Variants in MEMO1 observed in about 807,000 individuals in gnomAD.
MEMO1 encodes the protein mediator of cell motility 1.
A neutral mutation model predicts 45.2 loss-of-function variants in MEMO1; 6 were observed. The ratio of observed to expected loss-of-function variants is 0.13; its 90% confidence interval spans 0.07 to 0.26. The LOEUF (loss-of-function observed/expected upper bound fraction) is 0.26. MEMO1 is among the 10% of genes least tolerant of loss of function. MEMO1 has a pLI of 1.00. For synonymous variants in MEMO1, 78 were observed against 124.3 expected, an observed-to-expected ratio of 0.63 and a Z score of 2.48; for missense variants, 184 against 370.5, an observed-to-expected ratio of 0.50 and a Z score of 4.13.
intron 2 of MEMO1, among the ~76,000 whole-genome samples, chr2:31,952,065 T>G (rs894841385): frequency 3.9e-5 from 6 of 152,128 alleles, no homozygotes; most frequent in Admixed American, 1.3e-4. Context: ...GTGCAAGAAC[T>G]GTCACAGCAA....
At chr2:31,951,377 A>C (rs994965919) in intron 2 of MEMO1, among the ~76,000 whole-genome samples, 1 of 152,206 alleles carries the variant, frequency 6.6e-6, no homozygotes, top group Non-Finnish European at 1.5e-5. Context: ...AACCCCACTC[A>C]CTATGATGTT....
chr2:31,948,080 A>G (rs994831941), intron 2 of MEMO1, among the ~76,000 whole-genome samples: 5 of 152,224 alleles, frequency 3.3e-5, no homozygotes, highest in African/African-American at 1.2e-4. Context: ...CATGCTTCTC[A>G]GGTGATAGCA....
At chr2:31,947,066 C>T (rs1045638205) in intron 2 of MEMO1, among the ~76,000 whole-genome samples, 4 of 152,094 alleles carry the variant, frequency 2.6e-5, no homozygotes, top group East Asian at 1.9e-4. Context: ...CAGACAACAA[C>T]GAAATGGCCT....
intron 6 of MEMO1, among the ~76,000 whole-genome samples, chr2:31,894,121 T>A (rs1044881723): frequency 4.6e-5 from 7 of 152,070 alleles, no homozygotes; most frequent in African/African-American, 1.7e-4. Context: ...GATAAAAGCG[T>A]CAAAAACAAC....
intron 7 of MEMO1, among the ~76,000 whole-genome samples, chr2:31,886,862 C>T (rs1387355688): frequency 6.6e-6 from 1 of 152,198 alleles, no homozygotes; most frequent in Non-Finnish European, 1.5e-5. Context: ...CAAGTATGAG[C>T]TTTCTAGCTT....
At chr2:31,871,904 C>T (rs1165244155) in intron 8 of MEMO1, among the ~76,000 whole-genome samples, 3 of 151,844 alleles carry the variant, frequency 2.0e-5, no homozygotes, top group Non-Finnish European at 4.4e-5. Context: ...ATCCCAGCTA[C>T]ATGGGAGGCT....
At chr2:31,996,187 G>GGA (rs965960895) in intron 2 of MEMO1, among the ~76,000 whole-genome samples, 32 of 150,792 alleles carry the variant, frequency 2.1e-4, no homozygotes, top group African/African-American at 7.1e-4. Flanking sequence ...GAGAGGAGAG[G>GGA]GAGAGAGAGA....
intron 2 of MEMO1, among the ~76,000 whole-genome samples, chr2:31,960,040 T>A (rs748006096): frequency 2.0e-5 from 3 of 151,920 alleles, no homozygotes; most frequent in Non-Finnish European, 2.9e-5. Context: ...TGGCTAAAAG[T>A]ACAAAAATCA....
At chr2:32,006,964 C>CAAA (rs67557055) in intron 2 of MEMO1, among the ~76,000 whole-genome samples, 666 of 73,868 alleles carry the variant, frequency 9.0e-3, no homozygotes, top group Non-Finnish European at 0.011. Context: ...GATTCCATCT[C>CAAA]AAAAAAAAAA....
At chr2:31,932,309 G>C (rs1664277549) in intron 3 of MEMO1, among the ~76,000 whole-genome samples, 174 bp from the exon 4 acceptor site, 1 of 152,122 alleles carries the variant, frequency 6.6e-6, no homozygotes, top group Non-Finnish European at 1.5e-5. Context: ...GGAAACACAT[G>C]ATCTATACTG....
intron 2 of MEMO1, among the ~76,000 whole-genome samples, chr2:31,964,098 A>G (rs1668330432): frequency 6.6e-6 from 1 of 152,200 alleles, no homozygotes; most frequent in Non-Finnish European, 1.5e-5. Context: ...GGCTTACGTT[A>G]TATTAGACAG....
intron 2 of MEMO1, among the ~76,000 whole-genome samples, chr2:31,955,525 A>T (rs1667315349): frequency 6.6e-6 from 1 of 152,226 alleles, no homozygotes; most frequent in African/African-American, 2.4e-5. Flanking sequence ...CTTAAACTCA[A>T]AATTATCTTT....
intron 2 of MEMO1, among the ~76,000 whole-genome samples, chr2:31,943,999 T>C (rs1381036225): frequency 2.0e-5 from 3 of 152,200 alleles, no homozygotes; most frequent in African/African-American, 7.2e-5. Flanking sequence ...CTGTCCTTCG[T>C]CTCTACTTCT....
chr2:31,947,487 T>G (rs1173021300), intron 2 of MEMO1, among the ~76,000 whole-genome samples: 1 of 152,208 alleles, frequency 6.6e-6, no homozygotes, highest in Non-Finnish European at 1.5e-5. Context: ...ATGAAGGATT[T>G]AGAAATACGT....
At chr2:31,982,588 C>CAAA (rs60208602) in intron 2 of MEMO1, among the ~76,000 whole-genome samples, 3 of 70,084 alleles carry the variant, frequency 4.3e-5, no homozygotes, top group African/African-American at 4.8e-5. Context: ...GACTCCGTCT[C>CAAA]AAAAAAAAAA....
chr2:31,973,408 C>T (rs1202746926), intron 2 of MEMO1, among the ~76,000 whole-genome samples: 4 of 151,676 alleles, frequency 2.6e-5, no homozygotes, highest in African/African-American at 9.7e-5. Context: ...GAGCCAAGAT[C>T]ATGCCACTGC....
At chr2:32,006,509 T>A (rs1157156535) in intron 2 of MEMO1, among the ~76,000 whole-genome samples, 1 of 151,458 alleles carries the variant, frequency 6.6e-6, no homozygotes, top group Non-Finnish European at 1.5e-5. Context: ...TCAAATACAG[T>A]CTCTACAGCA....
At chr2:31,896,318 A>C (rs1021268215) in intron 6 of MEMO1, among the ~76,000 whole-genome samples, 4 of 152,218 alleles carry the variant, frequency 2.6e-5, no homozygotes, top group Admixed American at 2.0e-4. Flanking sequence ...TGGATCCTAG[A>C]ACTATAAGAG....
chr2:31,975,355 A>T (rs577759380), intron 2 of MEMO1, among the ~76,000 whole-genome samples: 2 of 152,362 alleles, frequency 1.3e-5, no homozygotes, highest in African/African-American at 4.8e-5. Flanking sequence ...TAGAGTTTGA[A>T]GAAAATTCTC....
Sources: allele counts gnomAD v4.1 joint callset (sites outside exome capture counted in the v4.1 genomes callset), GRCh38; gene constraint gnomAD v4.1.1; transcripts MANE v1.5; gene names NCBI Gene and HGNC (gene_info 2026-07-23, HGNC 2026-07-21).